Variants in N4BP1 observed in about 807,000 individuals in gnomAD.
N4BP1 encodes the protein NEDD4-binding protein 1.
In N4BP1, 21 loss-of-function variants were observed where a neutral mutation model predicts 70.9. The observed-to-expected ratio is 0.30, with a 90% CI of 0.21 to 0.43. The LOEUF is 0.43. Among genes scored for constraint, N4BP1 ranks in the 20% least tolerant of loss-of-function variants. N4BP1 has a pLI of 1.00. For missense variants in N4BP1, 936 were observed against 1,069.4 expected (o/e 0.88, Z 1.74); for synonymous variants, 387 against 394.6 (o/e 0.98, Z 0.23).
In N4BP1 at chr16:48,609,952, C is replaced by T. The variant is rs1964658202; in HGVS notation, c.21G>A (p.Leu7=). MAARAV[L]DEFTAPAEKA... ...TCTCAGCTGGCGCAGTGAACTCGTCCAGCACCGCCCGGGCCGCCATGGCGG... is the reference window on the plus strand; with the variant it reads ...TCTCAGCTGGCGCAGTGAACTCGTCTAGCACCGCCCGGGCCGCCATGGCGG... Residue 7 remains leucine, a synonymous_variant, in exon 1 of 7, where the codon CTG becomes CTA. Coordinates refer to ENST00000262384, the MANE Select transcript of N4BP1 (RefSeq NM_153029.4). 1 of 1,270,204 alleles carries T rather than the reference C, an allele frequency of 7.9e-7. No individual in the cohort carries two copies. Among genetic ancestry groups the T allele is most frequent in the Non-Finnish European group, 1.0e-6 (1 of 1,004,406 alleles). 78.7% of individuals were successfully genotyped at this position (1,270,204 alleles called of 1,614,324 possible). A position where few individuals can be genotyped will look rare whatever the true frequency, so the allele number is the denominator to read the frequency against.
chr16:48,585,773 G>A (rs1211871307), intron 1 of N4BP1, among the ~76,000 whole-genome samples: 2 of 151,836 alleles, frequency 1.3e-5, no homozygotes, highest in African/African-American at 2.4e-5. Context: ...TTGGCTCACT[G>A]CAACCTCCAA....
chr16:48,555,338 G>A (rs1445028908), intron 2 of N4BP1, among the ~76,000 whole-genome samples: 3 of 152,194 alleles, frequency 2.0e-5, no homozygotes, highest in Non-Finnish European at 2.9e-5. Flanking sequence ...GCTTCCTCAC[G>A]CCTGCCCTTT....
At chr16:48,594,851 A>T (rs1442518220) in intron 1 of N4BP1, among the ~76,000 whole-genome samples, 2 of 152,218 alleles carry the variant, frequency 1.3e-5, no homozygotes, top group Non-Finnish European at 2.9e-5. Flanking sequence ...CAGAGGTAAC[A>T]AATTTTCTTG....
At position 48,561,446 on chromosome 16, in the gene N4BP1, A is replaced by G; in HGVS notation, c.1197T>C (p.Ala399=). ...TGTTGGTCTCTGGATACACTGTACCAGCTGAAAATTCTCTGTCTTCTTGGA... is the reference window on the plus strand; with the variant it reads ...TGTTGGTCTCTGGATACACTGTACCGGCTGAAAATTCTCTGTCTTCTTGGA... ...KRFQEDREFS[A]GTVYPETNKT... is the part of the protein sequence containing the mutation. The change falls in exon 2 of 7, where the codon GCT becomes GCC. Residue 399 remains alanine (A), a synonymous_variant. Transcript: ENST00000262384. 6.2e-7 allele frequency: 1 copy of G among 1,612,304 alleles called. No homozygotes were observed. The highest frequency in any genetic ancestry group is 8.5e-7 in the Non-Finnish European group (1 of 1,179,524).
intron 1 of N4BP1, among the ~76,000 whole-genome samples, chr16:48,577,199 C>T (rs1247441236): frequency 6.6e-6 from 1 of 152,128 alleles, no homozygotes; most frequent in African/African-American, 2.4e-5. Flanking sequence ...AAAGTCTCCT[C>T]CTTTGTATTC....
chr16:48,582,987 G>A (rs1456175844), intron 1 of N4BP1, among the ~76,000 whole-genome samples: 2 of 152,188 alleles, frequency 1.3e-5, no homozygotes, highest in Non-Finnish European at 2.9e-5. Flanking sequence ...TCAGGAAGCT[G>A]AGGTGGGGGA....
At chr16:48,566,748 T>C (rs1963948331) in intron 1 of N4BP1, among the ~76,000 whole-genome samples, 2 of 152,210 alleles carry the variant, frequency 1.3e-5, no homozygotes. Flanking sequence ...TGAGTTCCTC[T>C]AGATCCTCAT....
In N4BP1 at chr16:48,548,108, T is replaced by C. The variant is rs373455317; in HGVS notation, c.2124A>G (p.Leu708=). ...CACCAGTTTTGTCCGCTAAGTGTAG[T>C]AGAAACCTATGGTAATATAAGAGAG... The part of the protein sequence containing the change: ...ERIASHDDRF[L]LHLADKTGGI... Residue 708 remains leucine, a synonymous_variant, in exon 5 of 7, where the codon CTA becomes CTG. Coordinates refer to ENST00000262384, the MANE Select transcript of N4BP1 (RefSeq NM_153029.4). The C allele has an allele frequency of 3.1e-6, 5 of 1,595,406 alleles. No homozygotes were observed. In the African/African-American group the frequency reaches 4.0e-5, roughly 13 times the overall value.
chr16:48,572,328 T>C (rs1474685020), intron 1 of N4BP1, among the ~76,000 whole-genome samples: 1 of 151,748 alleles, frequency 6.6e-6, no homozygotes, highest in East Asian at 1.9e-4. Flanking sequence ...TTTTCAAAAG[T>C]CCCACAAGAA....
At position 48,560,907 on chromosome 16, in the gene N4BP1, G is replaced by A. The variant is rs748943460; in HGVS notation, c.1736C>T (p.Ser579Leu). ...ATCAATATGATCAGAAGGTCCTGCCGACCTTGCATCAGTAACCGAAGGTAA... is the reference window on the plus strand; with the variant it reads ...ATCAATATGATCAGAAGGTCCTGCCAACCTTGCATCAGTAACCGAAGGTAA... ...QLLPSVTDAR[S>L]AGPSDHIDSS... Residue 579 changes from serine (S) to leucine (L), a missense_variant, in exon 2 of 7, where the codon TCG becomes TTG. Around this residue, in one of 4 missense-constraint regions of N4BP1, gnomAD observed 515 missense variants for 491.7 expected, o/e 1.05. Transcript: ENST00000262384. 5 of 1,613,824 alleles carry A rather than the reference G, an allele frequency of 3.1e-6. No individual in the cohort carries two copies. Among genetic ancestry groups the A allele is most frequent in the Admixed American group, 1.7e-5 (1 of 59,984 alleles).
At position 48,542,208 on chromosome 16, in the gene N4BP1, C is replaced by T. The variant is rs1453104035; in HGVS notation, c.*696G>A. On this transcript the variant is annotated 3_prime_UTR_variant, in exon 7 of 7. Coordinates refer to ENST00000262384, the MANE Select transcript of N4BP1 (RefSeq NM_153029.4). ...GACGGCGTGCACACTGGGCCGTCCC[C>T]TTTTGCGCAGGGTGGAAGGGGGAAG... 2.6e-5 allele frequency: 4 copies of T among 152,428 alleles called. No homozygotes were observed. Among genetic ancestry groups the T allele is most frequent in the African/African-American group, 9.6e-5 (4 of 41,586 alleles). 9.4% of individuals were successfully genotyped at this position (152,428 alleles called of 1,614,324 possible).
intron 1 of N4BP1, among the ~76,000 whole-genome samples, chr16:48,573,366 C>A (rs367606941): frequency 6.6e-6 from 1 of 151,996 alleles, no homozygotes; most frequent in Non-Finnish European, 1.5e-5. Flanking sequence ...CCAAGGCAGG[C>A]GGATTGTTTG....
At chr16:48,567,545 C>T (rs1349157505) in intron 1 of N4BP1, among the ~76,000 whole-genome samples, 1 of 152,078 alleles carries the variant, frequency 6.6e-6, no homozygotes, top group Non-Finnish European at 1.5e-5. Flanking sequence ...TCTCGAACTT[C>T]TGGGCTCAAC....
chr16:48,604,656 G>A (rs1175945967), intron 1 of N4BP1, among the ~76,000 whole-genome samples: 1 of 149,980 alleles, frequency 6.7e-6, no homozygotes, highest in Non-Finnish European at 1.5e-5. Flanking sequence ...ACAAAGCTCA[G>A]GTCCACTGAC....
Position 48,561,404 on chromosome 16 carries a change from A to G in N4BP1, c.1239T>C (p.Gly413=). ...YPETNKTKNK[G]VYSSTNELTT... ...TAAGCTCATTTGTGCTGCTATAAAC[A>G]CCTTTATTTTTGGTTTTGTTGGTCT... is the stretch of plus-strand genomic sequence containing the variant. The change falls in exon 2 of 7, where the codon GGT becomes GGC. Residue 413 remains glycine (G), a synonymous_variant. Transcript: ENST00000262384. The G allele has an allele frequency of 6.2e-7, 1 of 1,613,844 alleles. No individual in the cohort carries two copies. Among genetic ancestry groups the G allele is most frequent in the Non-Finnish European group, 8.5e-7 (1 of 1,179,864 alleles).
chr16:48,569,078 G>A (rs1194230618), intron 1 of N4BP1, among the ~76,000 whole-genome samples: 1 of 152,212 alleles, frequency 6.6e-6, no homozygotes, highest in Non-Finnish European at 1.5e-5. Context: ...TGCCTGTGGA[G>A]TGTTTTCAGT....
intron 1 of N4BP1, among the ~76,000 whole-genome samples, chr16:48,581,119 G>C (rs796857840): frequency 1.3e-4 from 20 of 152,130 alleles, no homozygotes; most frequent in African/African-American, 4.8e-4. Context: ...ATGCAAGGAT[G>C]GCTGAACAAA....
At chr16:48,583,600 C>A (rs181031075) in intron 1 of N4BP1, among the ~76,000 whole-genome samples, 1 of 152,306 alleles carries the variant, frequency 6.6e-6, no homozygotes, top group East Asian at 1.9e-4. Context: ...AATTAGCTAG[C>A]TTTAACCATT....
intron 1 of N4BP1, among the ~76,000 whole-genome samples, chr16:48,606,036 T>C (rs1964575937): frequency 6.6e-6 from 1 of 152,178 alleles, no homozygotes; most frequent in African/African-American, 2.4e-5. Flanking sequence ...GTATCACACT[T>C]TACTGTATCT....
Sources: allele counts gnomAD v4.1 joint callset (sites outside exome capture counted in the v4.1 genomes callset), GRCh38; gene constraint gnomAD v4.1.1; regional missense constraint gnomAD v4.1.1; transcripts MANE v1.5; gene names NCBI Gene and HGNC (gene_info 2026-07-23, HGNC 2026-07-21).